Variants in TPO observed in about 807,000 individuals in gnomAD.
TPO encodes the protein thyroid peroxidase.
Under a neutral mutation model 96.9 loss-of-function variants are expected in TPO, and 78 were observed. The observed-to-expected ratio is 0.81, with a 90% CI of 0.67 to 0.97. The LOEUF is 0.97. TPO is among the 50% of genes least tolerant of loss of function. The pLI is 0.00. For missense variants in TPO, 1,252 were observed against 1,274.8 expected (o/e 0.98, Z 0.27); for synonymous variants, 547 against 538.0 (o/e 1.02, Z -0.23).
intron 5 of TPO, among the ~76,000 whole-genome samples, chr2:1,439,705 CCT>C (rs1665955430): frequency 6.6e-6 from 1 of 152,088 alleles, no homozygotes; most frequent in Non-Finnish European, 1.5e-5. Context: ...AGAGACTCCC[CCT>C]CTCCCCCTCA....
chr2:1,517,012 A>G (rs775881634), intron 15 of TPO, 30 bp downstream of exon 15: 2 of 1,608,028 alleles, frequency 1.2e-6, no homozygotes, highest in Non-Finnish European at 8.5e-7. Context: ...ACTGTTACTT[A>G]GACACAAAGC....
intron 15 of TPO, among the ~76,000 whole-genome samples, chr2:1,529,920 C>CA: frequency 7.7e-6 from 1 of 129,484 alleles, no homozygotes; most frequent in South Asian, 2.6e-4. Flanking sequence ...CTCCCCAAAC[C>CA]CCCCCCTTGC....
upstream of TPO, among the ~76,000 whole-genome samples, chr2:1,410,454 G>T (rs377350999): frequency 3.9e-5 from 6 of 152,304 alleles, no homozygotes; most frequent in African/African-American, 1.4e-4. Context: ...ATTACAGGTG[G>T]TCCTGGGCCT....
rs757274238 is a variant in TPO at position 1,493,828 on chromosome 2, G to A, written c.1795G>A (p.Gly599Ser). ...TTACAATGAGTGGAGGGAGTTCTGC[G>A]GCCTGCCTCGCCTGGAGACCCCCGC... ...PGYNEWREFC[G>S]LPRLETPADL... The change falls in exon 11 of 17, where the codon GGC (glycine) becomes AGC (serine). Residue 599 changes from glycine to serine, a missense_variant. Coordinates refer to ENST00000329066, the MANE Select transcript of TPO (RefSeq NM_001206744.2). The A allele has an allele frequency of 2.3e-5, 37 of 1,613,946 alleles. No individual in the cohort carries two copies. The highest frequency in any genetic ancestry group is 5.3e-5 in the African/African-American group (4 of 74,904).
At chr2:1,498,107 T>G (rs1398047828) in intron 13 of TPO, among the ~76,000 whole-genome samples, 1 of 152,082 alleles carries the variant, frequency 6.6e-6, no homozygotes, top group Admixed American at 6.5e-5. Flanking sequence ...GTGGTAAAGT[T>G]TACATTATGT....
At chr2:1,463,932 G>A (rs1367620966) in intron 7 of TPO, among the ~76,000 whole-genome samples, 2 of 152,154 alleles carry the variant, frequency 1.3e-5, no homozygotes, top group Non-Finnish European at 2.9e-5. Flanking sequence ...TTGAGAACAG[G>A]TGGTGTTTGG....
chr2:1,477,952 A>G, intron 8 of TPO: 5 of 985,338 alleles, frequency 5.1e-6, no homozygotes, highest in Non-Finnish European at 6.0e-6. Flanking sequence ...TGGCAGCCAG[A>G]CCACCCAGGT....
chr2:1,488,092 C>A, intron 10 of TPO, 101 bp downstream of exon 10: 1 of 1,546,302 alleles, frequency 6.5e-7, no homozygotes, highest in Non-Finnish European at 8.8e-7. Flanking sequence ...AAAACAATCA[C>A]AAATCTGAGG....
chr2:1,542,629 T>G lies in TPO; in HGVS notation c.*155T>G, dbSNP rs936057207. 6.5e-7 allele frequency: 1 copy of G among 1,548,276 alleles called. No individual in the cohort carries two copies. The highest frequency in any genetic ancestry group is 8.7e-7 in the Non-Finnish European group (1 of 1,144,248). On this transcript the variant is annotated 3_prime_UTR_variant, in exon 17 of 17. Transcript: ENST00000329066. ...TGTCGTAGTTACTCTCAGGCATGGATGAATAAATGTTATAGCTGCATTTGT... is the reference window on the plus strand; with the variant it reads ...TGTCGTAGTTACTCTCAGGCATGGAGGAATAAATGTTATAGCTGCATTTGT...
At chr2:1,509,602 C>A (rs1396332331) in intron 14 of TPO, among the ~76,000 whole-genome samples, 1 of 144,574 alleles carries the variant, frequency 6.9e-6, no homozygotes, top group Non-Finnish European at 1.5e-5. Flanking sequence ...TTGTTTCAGG[C>A]ACAGGATACC....
intron 7 of TPO, among the ~76,000 whole-genome samples, chr2:1,459,817 C>T (rs1409792240): frequency 1.3e-5 from 2 of 152,244 alleles, no homozygotes; most frequent in Non-Finnish European, 2.9e-5. Context: ...GTCTCTCTCT[C>T]TCACACGCTG....
intron 10 of TPO, among the ~76,000 whole-genome samples, chr2:1,492,772 G>C (rs1671895001): frequency 1.3e-5 from 2 of 152,188 alleles, no homozygotes; most frequent in Non-Finnish European, 2.9e-5. Flanking sequence ...TGGTGGGCAG[G>C]GCGCTGAGAG....
intron 7 of TPO, among the ~76,000 whole-genome samples, chr2:1,462,641 G>A (rs932165114): frequency 6.6e-6 from 1 of 152,090 alleles, no homozygotes; most frequent in African/African-American, 2.4e-5. Context: ...TGAGGGTATT[G>A]AGAAATCATT....
At chr2:1,498,626 G>A (rs757807776) in intron 13 of TPO, among the ~76,000 whole-genome samples, 3 of 152,220 alleles carry the variant, frequency 2.0e-5, no homozygotes, top group Non-Finnish European at 2.9e-5. Context: ...TGTACAAGGA[G>A]ATCACCCAGA....
intron 5 of TPO, among the ~76,000 whole-genome samples, 172 bp from the exon 6 acceptor site, chr2:1,453,521 AG>A (rs1467419098): frequency 6.6e-6 from 1 of 152,126 alleles, no homozygotes; most frequent in Non-Finnish European, 1.5e-5. Context: ...CCTTGAAGCC[AG>A]TCATGACCTG....
At chr2:1,445,249 T>C (rs1449368356) in intron 5 of TPO, among the ~76,000 whole-genome samples, 16 of 135,102 alleles carry the variant, frequency 1.2e-4, no homozygotes, top group African/African-American at 4.5e-4. Context: ...AGGCTCCTTC[T>C]TGTTTGTATG....
At chr2:1,393,986 G>T (rs1177912226) in intron 1 of TPO, among the ~76,000 whole-genome samples, 7 of 152,304 alleles carry the variant, frequency 4.6e-5, no homozygotes, top group Middle Eastern at 3.4e-3. Context: ...TGTCAAGGGC[G>T]CTTTAGTAAC....
chr2:1,479,745 G>GTCCTCCTCCTCGTCC (rs1349033039), intron 8 of TPO, among the ~76,000 whole-genome samples: 4 of 149,098 alleles, frequency 2.7e-5, no homozygotes, highest in African/African-American at 7.3e-5. Context: ...GCTCCTCCTT[G>GTCCTCCTCCTCGTCC]TCCTCCTCCT....
chr2:1,474,792 C>G (rs1303734844), intron 7 of TPO, among the ~76,000 whole-genome samples: 1 of 152,200 alleles, frequency 6.6e-6, no homozygotes, highest in African/African-American at 2.4e-5. Context: ...ATGGCAAATC[C>G]TGCCTCACTC....
Sources: gnomAD v4.1 joint callset for allele counts (sites outside exome capture counted in the v4.1 genomes callset) on GRCh38, gnomAD v4.1.1 for gene constraint, MANE v1.5 for transcripts, NCBI Gene and HGNC (gene_info 2026-07-23, HGNC 2026-07-21) for gene names.